Variants in KIAA1755 observed in about 807,000 individuals in gnomAD.
KIAA1755 encodes KIAA1755, also known as uncharacterized protein KIAA1755.
KIAA1755 carries 68 observed loss-of-function variants against 91.7 expected under a neutral mutation model. The observed-to-expected ratio is 0.74, with a 90% CI of 0.61 to 0.91. The LOEUF (loss-of-function observed/expected upper bound fraction) is 0.91, where lower values mean the gene tolerates loss of function less well. Among genes scored for constraint, KIAA1755 ranks in the 40% least tolerant of loss-of-function variants. The pLI is 0.00. For missense variants in KIAA1755, 1,535 were observed against 1,494.4 expected, an observed-to-expected ratio of 1.03 and a Z score of -0.45; for synonymous variants, 610 against 604.6, an observed-to-expected ratio of 1.01 and a Z score of -0.13.
intron 12 of KIAA1755, chr20:38,218,043 T>G: frequency 1.6e-6 from 1 of 643,832 alleles, no homozygotes. Context: ...ATTCAGAATA[T>G]TCTTTGGGCT....
rs762519145 is a variant in KIAA1755 at position 38,225,679 on chromosome 20, C to A, written c.2155G>T (p.Val719Phe). The A allele has an allele frequency of 6.2e-7, 1 of 1,610,960 alleles. No homozygotes were observed. The highest frequency in any genetic ancestry group is 1.1e-5 in the South Asian group (1 of 91,016). ...ACGGTAAACACCTGGAAGAAATGAA[C>A]CCACTCGGTGTGGCAGTAGGGGAAG... ...GPFPYCHTEW[V>F]HFFQKLDPFL... Residue 719 changes from valine to phenylalanine, a missense_variant, in exon 8 of 14, where the codon GTT becomes TTT. By Grantham distance (50) the Val-to-Phe change is conservative (BLOSUM62 -1). Transcript: ENST00000279024.
chr20:38,228,083 A>G, intron 6 of KIAA1755, 64 bp downstream of exon 6: 1 of 1,255,486 alleles, frequency 8.0e-7, no homozygotes, highest in South Asian at 1.5e-5. Flanking sequence ...GACTCTATGA[A>G]TGTCAGGAGG....
At chr20:38,253,684 G>C (rs886964971) in intron 1 of KIAA1755, among the ~76,000 whole-genome samples, 1 of 152,204 alleles carries the variant, frequency 6.6e-6, no homozygotes, top group Non-Finnish European at 1.5e-5. Context: ...TGCGGGGCAG[G>C]GGCCTCGTAA....
rs1002693353 is a variant in KIAA1755 at position 38,242,506 on chromosome 20, A to C, written c.202-577T>G. Among the ~76,000 whole-genome samples, 3 of 152,260 alleles carry C rather than the reference A, an allele frequency of 2.0e-5. No individual in the cohort carries two copies. In the East Asian group the frequency reaches 5.8e-4, roughly 29 times the overall value. On this transcript the variant is annotated intron_variant, in intron 2 of 13. Coordinates refer to ENST00000279024, the MANE Select transcript of KIAA1755 (RefSeq NM_001029864.2). The stretch of plus-strand genomic sequence containing the variant: ...TCATAAATTGAAACTATCATAAGTC[A>C]AAAATGCATTTAATGTACCTAATCT...
At chr20:38,227,729 A>G (rs146394742) in intron 6 of KIAA1755, among the ~76,000 whole-genome samples, 3 of 152,218 alleles carry the variant, frequency 2.0e-5, no homozygotes, top group African/African-American at 7.2e-5. Flanking sequence ...TTTTGCTGAG[A>G]CCTCTGGGAA....
intron 4 of KIAA1755, 45 bp downstream of exon 4, chr20:38,239,483 C>A: frequency 6.3e-7 from 1 of 1,581,514 alleles, no homozygotes; most frequent in East Asian, 2.2e-5. Flanking sequence ...TGCTCTGGGG[C>A]CCCCAGCTCC....
chr20:38,222,324 A>G, intron 10 of KIAA1755, 125 bp downstream of exon 10: 1 of 974,592 alleles, frequency 1.0e-6, no homozygotes, highest in Non-Finnish European at 1.5e-6. Flanking sequence ...CAGGCCCTGC[A>G]ACTACTGCAA....
chr20:38,253,513 C>A (rs1223361093), intron 1 of KIAA1755, among the ~76,000 whole-genome samples: 1 of 152,072 alleles, frequency 6.6e-6, no homozygotes, highest in Non-Finnish European at 1.5e-5. Context: ...AGAAAGAGGC[C>A]CCTTGCCAGC....
At chr20:38,253,141 C>T (rs1478863986) in intron 1 of KIAA1755, among the ~76,000 whole-genome samples, 1 of 152,182 alleles carries the variant, frequency 6.6e-6, no homozygotes, top group Non-Finnish European at 1.5e-5. Flanking sequence ...GTGAGACGAG[C>T]CACAGCCCCC....
intron 2 of KIAA1755, 66 bp downstream of exon 2, chr20:38,245,863 C>A: frequency 2.3e-5 from 35 of 1,505,268 alleles, no homozygotes; most frequent in Non-Finnish European, 3.1e-5. Flanking sequence ...TCCTTCTCTG[C>A]CCGCCTCTAG....
At chr20:38,217,843 C>T in intron 12 of KIAA1755, 1 of 419,884 alleles carries the variant, frequency 2.4e-6, no homozygotes, top group Non-Finnish European at 4.3e-6. Context: ...CCGCCCCCGC[C>T]CCCGCTCCCC....
intron 2 of KIAA1755, among the ~76,000 whole-genome samples, chr20:38,245,596 C>G (rs2076143768): frequency 6.6e-6 from 1 of 152,236 alleles, no homozygotes; most frequent in East Asian, 1.9e-4. Flanking sequence ...AGCTGCCTCA[C>G]TTCACCAAAG....
At chr20:38,226,943 G>A (rs2075766846) in intron 7 of KIAA1755, among the ~76,000 whole-genome samples, 2 of 152,212 alleles carry the variant, frequency 1.3e-5, no homozygotes, top group Admixed American at 1.3e-4. Flanking sequence ...GATTGCCAGA[G>A]AGATATCACT....
At chr20:38,238,441 C>A (rs139959506) in intron 4 of KIAA1755, among the ~76,000 whole-genome samples, 31 of 152,308 alleles carry the variant, frequency 2.0e-4, no homozygotes, top group African/African-American at 7.0e-4. Context: ...TTTGCACATG[C>A]TGTTCCCTTT....
intron 6 of KIAA1755, 152 bp from the exon 7 acceptor site, chr20:38,227,392 C>T (rs998869668): frequency 5.4e-6 from 3 of 552,636 alleles, no homozygotes; most frequent in South Asian, 4.5e-5. Flanking sequence ...TTGTGTGATA[C>T]GTTTGGACCG....
chr20:38,219,741 C>T lies in KIAA1755; in HGVS notation c.2445G>A (p.Leu815=). The change falls in exon 11 of 14, where the codon TTG becomes TTA. Residue 815 remains leucine (L), a synonymous_variant. Coordinates refer to ENST00000279024, the MANE Select transcript of KIAA1755 (RefSeq NM_001029864.2). ...GAAGCTGCTCGTCCACAAGGCTGTACAAGGCAGTGGCTGCAGCCAGATGGC... is the reference window on the plus strand; with the variant it reads ...GAAGCTGCTCGTCCACAAGGCTGTATAAGGCAGTGGCTGCAGCCAGATGGC... ...VRSHLAAATA[L]YSLVDEQLHV... 1 of 1,614,204 alleles carries T rather than the reference C, an allele frequency of 6.2e-7. No homozygotes were observed. The highest frequency in any genetic ancestry group is 8.5e-7 in the Non-Finnish European group (1 of 1,180,042).
intron 8 of KIAA1755, 33 bp downstream of exon 8, chr20:38,225,632 G>GAC (rs2075742373): frequency 2.3e-6 from 3 of 1,284,886 alleles, no homozygotes; most frequent in Non-Finnish European, 3.4e-6. Context: ...GAAGGAGTGG[G>GAC]GGTCAGGGGC....
At chr20:38,217,993 T>C (rs2075582415) in intron 12 of KIAA1755, 1 of 543,276 alleles carries the variant, frequency 1.8e-6, no homozygotes, top group Non-Finnish European at 3.3e-6. Flanking sequence ...AGGTCTAGGA[T>C]GGGGCCCTGG....
At chr20:38,219,567 G>C in intron 11 of KIAA1755, 63 bp downstream of exon 11, 2 of 1,598,144 alleles carry the variant, frequency 1.3e-6, no homozygotes, top group African/African-American at 1.3e-5. Context: ...CCCAGAGTCG[G>C]GGCTTTCCTG....
Sources: allele counts gnomAD v4.1 joint callset (sites outside exome capture counted in the v4.1 genomes callset), GRCh38; gene constraint gnomAD v4.1.1; transcripts MANE v1.5; gene names NCBI Gene and HGNC (gene_info 2026-07-23, HGNC 2026-07-21).